GABRB1: variants seen among roughly 807,000 people sequenced by gnomAD.
GABRB1 encodes the protein gamma-aminobutyric acid receptor subunit beta-1.
Under a neutral mutation model 51.6 loss-of-function variants are expected in GABRB1, and 17 were observed. That is an observed-to-expected ratio of 0.33 (90% CI 0.23 to 0.49). The LOEUF (loss-of-function observed/expected upper bound fraction) is 0.49. Ranked by LOEUF, GABRB1 falls within the 20% of genes least tolerant of loss-of-function variation. The pLI, the probability that GABRB1 is intolerant of heterozygous loss-of-function variation, is 0.99. For missense variants in GABRB1, 410 were observed against 600.6 expected (o/e 0.68, Z 3.32); for synonymous variants, 247 against 218.9 (o/e 1.13, Z -1.14).
At chr4:47,335,953 G>T (rs552836602) in intron 5 of GABRB1, among the ~76,000 whole-genome samples, 30 of 152,092 alleles carry the variant, frequency 2.0e-4, no homozygotes, top group African/African-American at 7.2e-4. Context: ...TGAGACTTAT[G>T]CATTACTCTG....
chr4:47,211,078 T>A (rs1484969283), intron 4 of GABRB1, among the ~76,000 whole-genome samples: 1 of 152,212 alleles, frequency 6.6e-6, no homozygotes, highest in East Asian at 1.9e-4. Flanking sequence ...ATTAACCAGC[T>A]GACATGTCTG....
At chr4:47,299,601 A>G (rs1724163016) in intron 4 of GABRB1, among the ~76,000 whole-genome samples, 1 of 152,132 alleles carries the variant, frequency 6.6e-6, no homozygotes, top group Non-Finnish European at 1.5e-5. Flanking sequence ...CAGGTGCTGG[A>G]GAGGATGTGG....
At chr4:47,163,051 G>C (rs1043149363) in intron 4 of GABRB1, among the ~76,000 whole-genome samples, 1 of 151,986 alleles carries the variant, frequency 6.6e-6, no homozygotes, top group African/African-American at 2.4e-5. Context: ...AAGGCCATAA[G>C]GTATAGCAGA....
chr4:47,378,571 G>A (rs756683813), intron 5 of GABRB1, among the ~76,000 whole-genome samples: 17 of 152,216 alleles, frequency 1.1e-4, no homozygotes, highest in Non-Finnish European at 2.1e-4. Context: ...AGGAGGCGCC[G>A]AGAGCCAGCG....
chr4:47,244,778 G>T (rs1426476988), intron 4 of GABRB1, among the ~76,000 whole-genome samples: 1 of 152,146 alleles, frequency 6.6e-6, no homozygotes, highest in African/African-American at 2.4e-5. Context: ...CAGAAATAAA[G>T]ATGTTCTTTG....
intron 4 of GABRB1, among the ~76,000 whole-genome samples, chr4:47,167,678 G>A (rs1718250048): frequency 6.6e-6 from 1 of 152,138 alleles, no homozygotes; most frequent in Non-Finnish European, 1.5e-5. Context: ...GGGGTGACTA[G>A]GTCATAAGGG....
At chr4:47,147,939 G>C (rs1717247987) in intron 3 of GABRB1, among the ~76,000 whole-genome samples, 1 of 152,030 alleles carries the variant, frequency 6.6e-6, no homozygotes, top group Non-Finnish European at 1.5e-5. Flanking sequence ...ACATTGAGGA[G>C]CTACAGCAAA....
chr4:47,412,513 G>A (rs1430316841), intron 8 of GABRB1, among the ~76,000 whole-genome samples: 1 of 152,090 alleles, frequency 6.6e-6, no homozygotes. Flanking sequence ...TCAACCTCTG[G>A]TATTCTTTTT....
chr4:47,419,216 A>G (rs541013785), intron 8 of GABRB1, among the ~76,000 whole-genome samples: 2 of 152,352 alleles, frequency 1.3e-5, no homozygotes, highest in South Asian at 2.1e-4. Context: ...ACAAGATAAC[A>G]TGGTTTATAA....
At chr4:47,231,004 AGGTCTT>A (rs1721121790) in intron 4 of GABRB1, among the ~76,000 whole-genome samples, 1 of 152,144 alleles carries the variant, frequency 6.6e-6, no homozygotes, top group Admixed American at 6.6e-5. Flanking sequence ...AAAGGTTTTA[AGGTCTT>A]CTACACCTAC....
At chr4:47,108,666 T>C (rs1484774417) in intron 3 of GABRB1, among the ~76,000 whole-genome samples, 1 of 152,100 alleles carries the variant, frequency 6.6e-6, no homozygotes, top group African/African-American at 2.4e-5. Context: ...ATAATTGCGA[T>C]TATTGCTTTA....
chr4:47,018,414 C>G (rs1724811996), intron 1 of GABRB1, among the ~76,000 whole-genome samples: 1 of 152,154 alleles, frequency 6.6e-6, no homozygotes, highest in Non-Finnish European at 1.5e-5. Flanking sequence ...GCTAATGTCT[C>G]TGCTTCTTAG....
intron 3 of GABRB1, among the ~76,000 whole-genome samples, chr4:47,064,759 C>G (rs1246902966): frequency 6.6e-6 from 1 of 151,854 alleles, no homozygotes; most frequent in Non-Finnish European, 1.5e-5. Context: ...GATGACAGCA[C>G]CATGACTGAA....
intron 3 of GABRB1, among the ~76,000 whole-genome samples, chr4:47,054,827 C>T (rs1191604046): frequency 6.6e-6 from 1 of 152,144 alleles, no homozygotes; most frequent in African/African-American, 2.4e-5. Context: ...TCAGGTAATC[C>T]ATCCACCTCA....
intron 3 of GABRB1, among the ~76,000 whole-genome samples, chr4:47,106,980 T>G (rs561968320): frequency 6.6e-6 from 1 of 152,178 alleles, no homozygotes; most frequent in African/African-American, 2.4e-5. Context: ...GGCTTTTTAG[T>G]AGGCAGAAGA....
At chr4:47,369,724 T>C (rs1727120559) in intron 5 of GABRB1, among the ~76,000 whole-genome samples, 1 of 152,190 alleles carries the variant, frequency 6.6e-6, no homozygotes, top group South Asian at 2.1e-4. Context: ...TCTGATATAC[T>C]TTTCTTACTC....
chr4:47,166,843 A>G (rs151276299), intron 4 of GABRB1, among the ~76,000 whole-genome samples: 235 of 152,072 alleles, frequency 1.5e-3, no homozygotes, highest in African/African-American at 5.4e-3. Flanking sequence ...ACCTTTTCCC[A>G]TCTTACTGTT....
intron 4 of GABRB1, among the ~76,000 whole-genome samples, chr4:47,188,908 G>A (rs1045768672): frequency 2.0e-5 from 3 of 151,920 alleles, no homozygotes; most frequent in Non-Finnish European, 4.4e-5. Context: ...GTTAATCTCT[G>A]CTTATCCATT....
chr4:47,095,604 AT>A (rs1714386215), intron 3 of GABRB1, among the ~76,000 whole-genome samples: 1 of 152,220 alleles, frequency 6.6e-6, no homozygotes. Flanking sequence ...TCACAAATTA[AT>A]TCTTGATTCA....
Sources: allele counts gnomAD v4.1 joint callset (sites outside exome capture counted in the v4.1 genomes callset), GRCh38; gene constraint gnomAD v4.1.1; transcripts MANE v1.5; gene names NCBI Gene and HGNC (gene_info 2026-07-23, HGNC 2026-07-21).